TBC1D14: variants seen among roughly 807,000 people sequenced by gnomAD.
The protein encoded by TBC1D14 is TBC1 domain family, member 14.
In TBC1D14, 26 loss-of-function variants were observed where a neutral mutation model predicts 79.0. The observed-to-expected ratio is 0.33, with a 90% CI of 0.24 to 0.46. The LOEUF (loss-of-function observed/expected upper bound fraction) is 0.46, where lower values mean the gene tolerates loss of function less well. TBC1D14 is among the 20% of genes least tolerant of loss of function. The pLI is 1.00. For synonymous variants in TBC1D14, 394 were observed against 349.9 expected (o/e 1.13, Z -1.40); for missense variants, 769 against 887.6 (o/e 0.87, Z 1.70).
intron 12 of TBC1D14, among the ~76,000 whole-genome samples, chr4:7,023,695 C>G (rs1262889326): frequency 6.6e-6 from 1 of 152,206 alleles, no homozygotes; most frequent in Non-Finnish European, 1.5e-5. Context: ...TGGCTCGGGA[C>G]TTACTGGTGG....
intron 3 of TBC1D14, among the ~76,000 whole-genome samples, chr4:6,973,072 G>T (rs1231078365): frequency 6.6e-6 from 1 of 152,218 alleles, no homozygotes; most frequent in Admixed American, 6.5e-5. Context: ...GATAGCCGCA[G>T]GGAGGATAGG....
At chr4:6,914,627 A>G (rs1489378179) in intron 1 of TBC1D14, among the ~76,000 whole-genome samples, 1 of 152,158 alleles carries the variant, frequency 6.6e-6, no homozygotes, top group Non-Finnish European at 1.5e-5. Flanking sequence ...TAGTGCATAT[A>G]GACATGGAAT....
intron 13 of TBC1D14, among the ~76,000 whole-genome samples, chr4:7,025,745 G>A (rs951626561): frequency 2.0e-5 from 3 of 152,208 alleles, no homozygotes; most frequent in Non-Finnish European, 4.4e-5. Context: ...GAGGGCGCGG[G>A]TCCCTCCTGG....
At chr4:6,977,578 G>C (rs1164344817) in intron 3 of TBC1D14, among the ~76,000 whole-genome samples, 1 of 149,530 alleles carries the variant, frequency 6.7e-6, no homozygotes, top group African/African-American at 2.5e-5. Context: ...CTGCCTGGCC[G>C]CCCATCGTCT....
intron 3 of TBC1D14, among the ~76,000 whole-genome samples, chr4:6,979,398 A>G (rs1466159386): frequency 6.6e-6 from 1 of 152,162 alleles, no homozygotes; most frequent in Non-Finnish European, 1.5e-5. Flanking sequence ...AGGCCGAGGC[A>G]GACGATTACT....
At chr4:6,922,032 G>C (rs66530709) in intron 1 of TBC1D14, among the ~76,000 whole-genome samples, 1 of 151,926 alleles carries the variant, frequency 6.6e-6, no homozygotes, top group African/African-American at 2.4e-5. Context: ...AGATGTGTGC[G>C]TGTGATTAAT....
At chr4:6,996,558 C>A (rs943107820) in intron 5 of TBC1D14, 151 bp downstream of exon 5, 3 of 632,004 alleles carry the variant, frequency 4.7e-6, no homozygotes, top group African/African-American at 1.9e-5. Flanking sequence ...AAGATGCATG[C>A]GGAAAGCCCC....
At chr4:6,960,961 C>G (rs1334890004) in intron 2 of TBC1D14, among the ~76,000 whole-genome samples, 1 of 152,170 alleles carries the variant, frequency 6.6e-6, no homozygotes, top group Non-Finnish European at 1.5e-5. Context: ...TCCTTTTGTC[C>G]CAGTTAAATG....
intron 3 of TBC1D14, among the ~76,000 whole-genome samples, chr4:6,990,145 C>G (rs76008114): frequency 6.6e-6 from 1 of 152,116 alleles, no homozygotes; most frequent in Non-Finnish European, 1.5e-5. Flanking sequence ...CTTTGAAGAA[C>G]CTTGTTCTAA....
Position 6,936,703 on chromosome 4 carries a change from A to T in TBC1D14, c.722+12592A>T, listed in dbSNP as rs185679618. ...ATGTTTAGTTTTGTAAGAAACCAGC[A>T]AACTGTCTTCCAAAGGGGCGATACC... On this transcript the variant is annotated intron_variant, in intron 2 of 13. Transcript: ENST00000409757. Among the ~76,000 whole-genome samples, 482 of 152,334 alleles carry T rather than the reference A, an allele frequency of 3.2e-3. 1 individual carries two copies. Among genetic ancestry groups the T allele is most frequent in the Non-Finnish European group, 3.7e-3 (253 of 68,034 alleles).
At position 6,923,994 on chromosome 4, in the gene TBC1D14, A is replaced by T; in HGVS notation, c.605A>T (p.Asn202Ile). The T allele has an allele frequency of 6.2e-7, 1 of 1,614,060 alleles. No individual in the cohort carries two copies. The highest frequency in any genetic ancestry group is 2.2e-5 in the East Asian group (1 of 44,880). Residue 202 changes from asparagine to isoleucine, a missense_variant, in exon 2 of 14, where the codon AAC becomes ATC. Coordinates refer to ENST00000409757, the MANE Select transcript of TBC1D14 (RefSeq NM_020773.3). ...AATGACGATGACCCACAGTTTACCAACGTCACCTTGAGCTCTATCAAGGAA... is the reference window on the plus strand; with the variant it reads ...AATGACGATGACCCACAGTTTACCATCGTCACCTTGAGCTCTATCAAGGAA... ...LENDDDPQFT[N>I]VTLSSIKETR...
rs1412083500 is a variant in TBC1D14 at position 6,966,934 on chromosome 4, C to T, written c.723-370C>T. 9.2e-5 allele frequency among the ~76,000 whole-genome samples: 14 copies of T among 152,248 alleles called. 1 individual carries two copies. In the East Asian group the frequency reaches 1.9e-3, roughly 21 times the overall value. On this transcript the variant is annotated intron_variant, in intron 2 of 13. Coordinates refer to ENST00000409757, the MANE Select transcript of TBC1D14 (RefSeq NM_020773.3). ...ATGTCATTCTCCTGCCTCAGCCTCC[C>T]GAGTAGCTGGGACTACAGGTGCCTG...
intron 1 of TBC1D14, among the ~76,000 whole-genome samples, chr4:6,917,231 T>C (rs944214627): frequency 1.3e-5 from 2 of 152,210 alleles, no homozygotes; most frequent in African/African-American, 4.8e-5. Flanking sequence ...CAGTTGTTGG[T>C]AGTAATTAAT....
At chr4:7,019,383 T>TCCAAAC (rs1721589354) in intron 12 of TBC1D14, among the ~76,000 whole-genome samples, 2 of 151,888 alleles carry the variant, frequency 1.3e-5, no homozygotes, top group Non-Finnish European at 2.9e-5. Flanking sequence ...CCGTTTCTGC[T>TCCAAAC]GCCTCTTGCA....
chr4:7,007,601 C>T (rs1720333308), intron 9 of TBC1D14: 1 of 1,289,300 alleles, frequency 7.8e-7, no homozygotes, highest in Non-Finnish European at 1.0e-6. Context: ...CTACAAAGCT[C>T]CAGCAGCTTT....
intron 2 of TBC1D14, among the ~76,000 whole-genome samples, chr4:6,947,990 A>G (rs947520293): frequency 2.6e-5 from 4 of 152,178 alleles, no homozygotes; most frequent in African/African-American, 4.8e-5. Context: ...CAAAAATGCA[A>G]TACTCCCAGC....
chr4:6,921,335 A>G (rs1723840136), intron 1 of TBC1D14, among the ~76,000 whole-genome samples: 2 of 151,770 alleles, frequency 1.3e-5, no homozygotes, highest in Admixed American at 6.6e-5. Flanking sequence ...CAGCCTTTCA[A>G]GTAGCTAGGA....
intron 7 of TBC1D14, among the ~76,000 whole-genome samples, chr4:7,001,668 C>A (rs1056495493): frequency 3.3e-5 from 5 of 152,122 alleles, no homozygotes; most frequent in Non-Finnish European, 5.9e-5. Context: ...GAGGAGACAA[C>A]ATACTGTGCT....
chr4:7,017,740 A>G (rs1384858024), intron 12 of TBC1D14, among the ~76,000 whole-genome samples: 2 of 152,184 alleles, frequency 1.3e-5, no homozygotes, highest in Non-Finnish European at 2.9e-5. Context: ...GCTAGGATAC[A>G]GTCTGTTTTC....
Sources: allele counts gnomAD v4.1 joint callset (sites outside exome capture counted in the v4.1 genomes callset), GRCh38; gene constraint gnomAD v4.1.1; transcripts MANE v1.5; gene names NCBI Gene and HGNC (gene_info 2026-07-23, HGNC 2026-07-21).